MOBP: variants seen among roughly 807,000 people sequenced by gnomAD.
The protein encoded by MOBP is myelin-associated oligodendrocyte basic protein.
In MOBP, 5 loss-of-function variants were observed where a neutral mutation model predicts 15.0. The ratio of observed to expected loss-of-function variants is 0.33; its 90% CI spans 0.17 to 0.70. The LOEUF is 0.70. Ranked by LOEUF, MOBP falls within the 30% of genes least tolerant of loss-of-function variation. The probability of loss-of-function intolerance (pLI) is 0.67; values close to 1 mark genes in which losing one functional copy is unlikely to be tolerated. For missense variants in MOBP, 188 were observed against 257.8 expected (o/e 0.73, Z 1.85); for synonymous variants, 88 against 99.0 (o/e 0.89, Z 0.66).
intron 3 of MOBP, among the ~76,000 whole-genome samples, chr3:39,523,681 A>G (rs1429743571): frequency 3.3e-5 from 5 of 152,224 alleles, no homozygotes; most frequent in Admixed American, 6.5e-5. Context: ...ATACCTTCCC[A>G]TAAGAGCAAA....
At chr3:39,493,856 CAG>C (rs1248369634) in intron 2 of MOBP, among the ~76,000 whole-genome samples, 2 of 152,250 alleles carry the variant, frequency 1.3e-5, no homozygotes, top group African/African-American at 4.8e-5. Context: ...TGGTAAAAGA[CAG>C]GGGAAGGAAC....
downstream of MOBP, chr3:39,503,055 T>C: frequency 1.9e-6 from 1 of 538,210 alleles, no homozygotes; most frequent in Non-Finnish European, 3.2e-6. Flanking sequence ...GGTTTCCTCC[T>C]AGGTGCTATT....
intron 1 of MOBP, among the ~76,000 whole-genome samples, chr3:39,469,214 GTATATACATATATACATA>G (rs1553616258): frequency 2.0e-5 from 2 of 98,686 alleles, no homozygotes; most frequent in Non-Finnish European, 3.5e-5. Flanking sequence ...ACATGTGTGT[GTATATACATATATACATA>G]TGTGTGTGTA....
At chr3:39,504,632 T>C (rs936636464), downstream of MOBP, among the ~76,000 whole-genome samples, 2 of 152,284 alleles carry the variant, frequency 1.3e-5, no homozygotes, top group African/African-American at 4.8e-5. Flanking sequence ...ACTTCACTTA[T>C]GCACTGTCTT....
intron 2 of MOBP, among the ~76,000 whole-genome samples, chr3:39,496,199 CT>C (rs539988699): frequency 4.4e-4 from 63 of 144,318 alleles, no homozygotes; most frequent in East Asian, 4.0e-4. Flanking sequence ...TCTTTTTTTT[CT>C]TTTTTTTTTT....
At chr3:39,492,963 C>G (rs2042821498) in intron 2 of MOBP, among the ~76,000 whole-genome samples, 1 of 152,132 alleles carries the variant, frequency 6.6e-6, no homozygotes, top group South Asian at 2.1e-4. Context: ...AACTCTATAC[C>G]CGTTTGCATG....
intron 2 of MOBP, among the ~76,000 whole-genome samples, chr3:39,495,642 A>G (rs1438499987): frequency 2.0e-5 from 3 of 151,344 alleles, no homozygotes; most frequent in Admixed American, 2.0e-4. Context: ...AGTCCCAGCT[A>G]CTTGAGAGGC....
In MOBP at chr3:39,469,154, A is replaced by ATGTGTGTGTGTATACATATATACATG. The variant is rs1559412206; in HGVS notation, c.-89+1429_-89+1454dup. Reference sequence around the variant, plus strand: ...TGTGTGTGTATATACATATATACATATGTGTGTGTGTATACATATATACAT... The same window carrying ATGTGTGTGTGTATACATATATACATG: ...TGTGTGTGTATATACATATATACATATGTGTGTGTGTATACATATATACATGTGTGTGTGTGTATACATATATACAT... On this transcript the variant is annotated intron_variant, in intron 1 of 3. Transcript: ENST00000684792. 2.3e-5 allele frequency among the ~76,000 whole-genome samples: 2 copies of ATGTGTGTGTGTATACATATATACATG among 86,784 alleles called. 1 individual carries two copies. The highest frequency in any genetic ancestry group is 7.2e-4 in the South Asian group (2 of 2,778). The allele number at this position is 86,784 out of a possible 152,430, so 56.9% of individuals were successfully genotyped here.
At chr3:39,474,559 C>T (rs1027072878) in intron 1 of MOBP, among the ~76,000 whole-genome samples, 1 of 152,180 alleles carries the variant, frequency 6.6e-6, no homozygotes, top group African/African-American at 2.4e-5. Context: ...AATGATCCCT[C>T]ATTGACTGAA....
intron 1 of MOBP, among the ~76,000 whole-genome samples, chr3:39,475,324 T>C (rs918395481): frequency 2.6e-5 from 4 of 152,196 alleles, no homozygotes; most frequent in African/African-American, 7.2e-5. Flanking sequence ...TTGGCTGAGA[T>C]GATACTTCCC....
At chr3:39,479,474 T>C (rs140000043) in intron 1 of MOBP, among the ~76,000 whole-genome samples, 95 of 151,894 alleles carry the variant, frequency 6.3e-4, no homozygotes, top group Admixed American at 9.8e-4. Context: ...TGAATACACA[T>C]GAACTTCCAT....
Position 39,502,229 on chromosome 3 carries a change from C to A in MOBP, c.160C>A (p.Gln54Lys). The part of the protein sequence containing the change: ...YSICKSGCFY[Q>K]KKEEDWICCA... ...CATCTGTAAGAGCGGCTGCTTCTAC[C>A]AGAAGAAAGAGGAGGACTGGATCTG... The change falls in exon 3 of 4, where the codon CAG (glutamine) becomes AAG (lysine). Residue 54 changes from glutamine to lysine, a missense_variant. By Grantham distance (53) the Gln-to-Lys change is moderately conservative. This residue lies in a region of MOBP where 133 missense variants were observed against 212.5 expected (regional missense o/e 0.63). Coordinates refer to ENST00000684792, the MANE Select transcript of MOBP (RefSeq NM_001393704.1). The surrounding 1 kb of genome is among the most constrained non-coding windows in gnomAD (Gnocchi z 6.3). 6.2e-7 allele frequency: 1 copy of A among 1,614,196 alleles called. No homozygotes were observed. The highest frequency in any genetic ancestry group is 8.5e-7 in the Non-Finnish European group (1 of 1,180,024).
At chr3:39,486,178 C>T (rs183043773) in intron 2 of MOBP, among the ~76,000 whole-genome samples, 1 of 152,130 alleles carries the variant, frequency 6.6e-6, no homozygotes, top group East Asian at 1.9e-4. Context: ...TCTAGTTTAC[C>T]TTGGTTGGGG....
chr3:39,523,707 C>T (rs183728003), intron 3 of MOBP, among the ~76,000 whole-genome samples: 56 of 152,242 alleles, frequency 3.7e-4, no homozygotes, highest in African/African-American at 1.3e-3. Context: ...TAAATTAATA[C>T]ACCTTCCAGT....
chr3:39,501,540 C>T (rs1575310730), intron 2 of MOBP, among the ~76,000 whole-genome samples: 1 of 152,312 alleles, frequency 6.6e-6, no homozygotes, highest in South Asian at 2.1e-4. Context: ...GTACACACAG[C>T]TTGTTTTCTT....
intron 1 of MOBP, among the ~76,000 whole-genome samples, chr3:39,471,152 G>A (rs915818355): frequency 6.9e-6 from 1 of 144,084 alleles, no homozygotes; most frequent in Non-Finnish European, 1.5e-5. Flanking sequence ...TTTTTGCGAT[G>A]GAGTCTCACT....
intron 2 of MOBP, among the ~76,000 whole-genome samples, chr3:39,480,995 T>G (rs1192503903): frequency 6.6e-6 from 1 of 152,238 alleles, no homozygotes; most frequent in Non-Finnish European, 1.5e-5. Flanking sequence ...CACCTCCCAT[T>G]CATTTACCTA....
At chr3:39,501,943 T>C in intron 2 of MOBP, 123 bp from the exon 3 acceptor site, 1 of 765,710 alleles carries the variant, frequency 1.3e-6, no homozygotes, top group Non-Finnish European at 2.2e-6. Context: ...GGTGTTGCTC[T>C]GTAGGGCCCC....
At chr3:39,527,758 CTGT>C (rs1418964318), downstream of MOBP, 2 of 152,430 alleles carry the variant, frequency 1.3e-5, no homozygotes, top group Middle Eastern at 3.4e-3. Context: ...CGCGCCCGGC[CTGT>C]TATTATCTTT....
Sources: gnomAD v4.1 joint callset for allele counts (sites outside exome capture counted in the v4.1 genomes callset) on GRCh38, gnomAD v4.1.1 for gene constraint, gnomAD v4.1.1 regional missense constraint, Gnocchi (gnomAD v3.1) non-coding constraint, MANE v1.5 for transcripts, NCBI Gene and HGNC (gene_info 2026-07-23, HGNC 2026-07-21) for gene names.